NCKAP1: variants seen among roughly 807,000 people sequenced by gnomAD.
The protein encoded by NCKAP1 is NCK associated protein 1.
In NCKAP1, 21 loss-of-function variants were observed where a neutral mutation model predicts 151.2. That is an observed-to-expected ratio of 0.14 (90% CI 0.10 to 0.20). The LOEUF (loss-of-function observed/expected upper bound fraction) is 0.20. Among genes scored for constraint, NCKAP1 ranks in the 10% least tolerant of loss-of-function variants. The pLI, the probability that NCKAP1 is intolerant of heterozygous loss-of-function variation, is 1.00. For missense variants in NCKAP1, 933 were observed against 1,352.1 expected, an observed-to-expected ratio of 0.69 and a Z score of 4.86; for synonymous variants, 484 against 451.8, an observed-to-expected ratio of 1.07 and a Z score of -0.90.
At chr2:182,971,377 G>C (rs1697686401) in intron 15 of NCKAP1, among the ~76,000 whole-genome samples, 1 of 125,590 alleles carries the variant, frequency 8.0e-6, no homozygotes, top group African/African-American at 3.0e-5. Context: ...CTGGGCGACA[G>C]AGCGAGACTC....
chr2:182,964,926 A>T (rs1286856485), intron 16 of NCKAP1, 118 bp from the exon 17 acceptor site: 2 of 679,102 alleles, frequency 2.9e-6, no homozygotes, highest in African/African-American at 3.7e-5. Flanking sequence ...CTGATTTAAG[A>T]AGAGAATATT....
At position 182,909,630 on chromosome 2, in the gene NCKAP1, C is replaced by T. The variant is rs1052245272; in HGVS notation, c.*16072G>A. 1 of 152,096 alleles carries T rather than the reference C, an allele frequency of 6.6e-6. No homozygotes were observed. The highest frequency in any genetic ancestry group is 2.4e-5 in the African/African-American group (1 of 41,402). 9.4% of individuals were successfully genotyped at this position (152,096 alleles called of 1,614,324 possible). On this transcript the variant is annotated 3_prime_UTR_variant, in exon 31 of 31. Transcript: ENST00000361354. Reference sequence around the variant, plus strand: ...TGGACGCTCGGATTTACTGCCTTTTCTTGTATGTTGTTGTTTTATTTGTTT... The same window carrying T: ...TGGACGCTCGGATTTACTGCCTTTTTTTGTATGTTGTTGTTTTATTTGTTT...
chr2:182,995,765 T>C lies in NCKAP1; in HGVS notation c.677A>G (p.Asn226Ser). ...RRNLSADQWR[N>S]AQLLSLISAP... ...ACTGATGAGGCTCAATAACTGGGCA[T>C]TTCTCCACTGGTCAGCTGAAAGATT... The change falls in exon 7 of 31, where the codon AAT becomes AGT. Residue 226 changes from asparagine (N) to serine (S), a missense_variant. Around this residue, in one of 2 missense-constraint regions of NCKAP1, gnomAD observed 607 missense variants for 795.0 expected, o/e 0.76. Transcript: ENST00000361354. 5.6e-6 allele frequency: 9 copies of C among 1,613,750 alleles called. No individual in the cohort carries two copies. The highest frequency in any genetic ancestry group is 7.6e-6 in the Non-Finnish European group (9 of 1,179,648).
At chr2:182,943,233 GCA>G (rs1416937975) in intron 23 of NCKAP1, among the ~76,000 whole-genome samples, 1 of 152,078 alleles carries the variant, frequency 6.6e-6, no homozygotes, top group Non-Finnish European at 1.5e-5. Flanking sequence ...GGTGCAGCAA[GCA>G]TATAAAGTGC....
intron 1 of NCKAP1, among the ~76,000 whole-genome samples, chr2:183,033,068 C>A (rs1364435307): frequency 1.3e-5 from 2 of 152,076 alleles, no homozygotes; most frequent in African/African-American, 2.4e-5. Context: ...AGAAGAAATG[C>A]ATTTAACACA....
intron 2 of NCKAP1, among the ~76,000 whole-genome samples, chr2:183,015,581 G>T (rs905647571): frequency 1.3e-4 from 19 of 151,900 alleles, no homozygotes; most frequent in African/African-American, 3.4e-4. Context: ...GAAAGTCATG[G>T]TATAACTATG....
chr2:182,941,429 A>G (rs1038830429), intron 24 of NCKAP1, among the ~76,000 whole-genome samples: 2 of 152,184 alleles, frequency 1.3e-5, no homozygotes, highest in Admixed American at 6.5e-5. Context: ...CAAATTACTG[A>G]TCACTTAACA....
chr2:182,936,407 T>C (rs1696876511), intron 24 of NCKAP1, among the ~76,000 whole-genome samples: 1 of 152,162 alleles, frequency 6.6e-6, no homozygotes. Context: ...AACAGAATAA[T>C]GACCTAGACC....
At position 182,923,922 on chromosome 2, in the gene NCKAP1, TA is replaced by T. The variant is rs1427338969; in HGVS notation, c.*1779del. The T allele has an allele frequency of 6.6e-6, 1 of 152,322 alleles. No homozygotes were observed. The highest frequency in any genetic ancestry group is 2.4e-5 in the African/African-American group (1 of 41,578). The allele number at this position is 152,322 out of a possible 1,614,324, so 9.4% of individuals were successfully genotyped here. A position where few individuals can be genotyped will look rare whatever the true frequency, so the allele number is the denominator to read the frequency against. The stretch of plus-strand genomic sequence containing the variant: ...AGCCTAGCAGTGGTAGAGAATGCCT[TA>T]TTTTCATCCTTATGCCCTTTCACAT... On this transcript the variant is annotated 3_prime_UTR_variant, in exon 31 of 31. Coordinates refer to ENST00000361354, the MANE Select transcript of NCKAP1 (RefSeq NM_013436.5).
chr2:182,940,067 T>C (rs1191438944), intron 24 of NCKAP1, among the ~76,000 whole-genome samples: 2 of 152,190 alleles, frequency 1.3e-5, no homozygotes, highest in South Asian at 4.1e-4. Context: ...ACAAATTCCA[T>C]TGTTTCAATT....
intron 10 of NCKAP1, among the ~76,000 whole-genome samples, chr2:182,984,351 A>C (rs574392364): frequency 1.3e-5 from 2 of 149,178 alleles, no homozygotes; most frequent in East Asian, 1.9e-4. Context: ...AAAAATCATA[A>C]AATGTTCCAA....
chr2:183,022,873 G>A (rs1331032264), intron 2 of NCKAP1: 2 of 152,178 alleles, frequency 1.3e-5, no homozygotes, highest in African/African-American at 4.8e-5. Flanking sequence ...AACCAGTCAA[G>A]TGCAGTAGTG....
intron 2 of NCKAP1, among the ~76,000 whole-genome samples, chr2:183,019,912 A>G (rs1467037245): frequency 2.6e-5 from 4 of 152,198 alleles, no homozygotes; most frequent in African/African-American, 9.7e-5. Context: ...AAATGACTCA[A>G]CAGAGTCCAA....
chr2:182,989,735 C>T (rs753710333), intron 8 of NCKAP1, among the ~76,000 whole-genome samples: 20 of 150,310 alleles, frequency 1.3e-4, no homozygotes, highest in Admixed American at 3.3e-4. Flanking sequence ...TGGCCAGGTG[C>T]TCATGCCTGT....
rs1321786957 is a variant in NCKAP1 at position 182,923,987 on chromosome 2, C to T, written c.*1715G>A. The T allele has an allele frequency of 6.6e-6, 1 of 152,110 alleles. No homozygotes were observed. The allele number at this position is 152,110 out of a possible 1,614,324, so 9.4% of individuals were successfully genotyped here. ...GTACATATCCAAATTCCTACTTTAC[C>T]TCTCCAGAGATCACTGCCAACAAAG... On this transcript the variant is annotated 3_prime_UTR_variant, in exon 31 of 31. Coordinates refer to ENST00000361354, the MANE Select transcript of NCKAP1 (RefSeq NM_013436.5).
chr2:182,979,480 T>TA (rs1170382441), intron 13 of NCKAP1, among the ~76,000 whole-genome samples: 1 of 152,100 alleles, frequency 6.6e-6, no homozygotes, highest in Non-Finnish European at 1.5e-5. Flanking sequence ...AAGTGGATGC[T>TA]AAAAAATAAA....
intron 24 of NCKAP1, among the ~76,000 whole-genome samples, chr2:182,940,541 G>A (rs1253104381): frequency 6.6e-6 from 1 of 152,096 alleles, no homozygotes; most frequent in Admixed American, 6.5e-5. Flanking sequence ...CCGGGTTCAA[G>A]CAATTCTCCT....
intron 2 of NCKAP1, among the ~76,000 whole-genome samples, chr2:183,019,704 A>C (rs1226984861): frequency 6.6e-6 from 1 of 152,250 alleles, no homozygotes; most frequent in Non-Finnish European, 1.5e-5. Context: ...TTAGATAACA[A>C]GTGGCTGCTA....
intron 12 of NCKAP1, 22 bp downstream of exon 12, chr2:182,982,799 T>G (rs1343751995): frequency 6.7e-7 from 1 of 1,493,206 alleles, no homozygotes. Context: ...AGAAAATATT[T>G]TTTTAAATGT....
Sources: gnomAD v4.1 joint callset for allele counts (sites outside exome capture counted in the v4.1 genomes callset) on GRCh38, gnomAD v4.1.1 for gene constraint, gnomAD v4.1.1 regional missense constraint, MANE v1.5 for transcripts, NCBI Gene and HGNC (gene_info 2026-07-23, HGNC 2026-07-21) for gene names.